MYZAP: variants seen among roughly 807,000 people sequenced by gnomAD.
The protein encoded by MYZAP is GRINL1A complex locus upstream.
In MYZAP, 66 loss-of-function variants were observed where a neutral mutation model predicts 69.4. That is an observed-to-expected ratio of 0.95 (90% confidence interval 0.78 to 1.17). The LOEUF (loss-of-function observed/expected upper bound fraction) is 1.17. Ranked by LOEUF, MYZAP falls within the 50% of genes most tolerant of loss-of-function variation. The pLI, the probability that MYZAP is intolerant of heterozygous loss-of-function variation, is 0.00. For missense variants in MYZAP, 611 were observed against 556.2 expected, an observed-to-expected ratio of 1.10 and a Z score of -0.99; for synonymous variants, 256 against 205.9, an observed-to-expected ratio of 1.24 and a Z score of -2.09.
intron 1 of MYZAP, among the ~76,000 whole-genome samples, chr15:57,592,908 G>T (rs1464865027): frequency 6.6e-6 from 1 of 152,066 alleles, no homozygotes. Flanking sequence ...TTATCATTTG[G>T]TACCTCTTTG....
rs150195842 is a variant in MYZAP, at chr15:57,668,432, C to A, written c.1204-6536C>A. Among the ~76,000 whole-genome samples the A allele has an allele frequency of 1.9e-3, 285 of 152,256 alleles. 3 individuals carry two copies. The highest frequency in any genetic ancestry group is 6.5e-3 in the African/African-American group (270 of 41,524). ...TGTACCAGTGTCTCCATATCCTAAC[C>A]CAGACCTAGTATTGCCAACCTTTTA... On this transcript the variant is annotated intron_variant, in intron 11 of 12. Transcript: ENST00000267853.
chr15:57,651,088 G>A (rs1311121692), intron 10 of MYZAP, among the ~76,000 whole-genome samples: 1 of 152,206 alleles, frequency 6.6e-6, no homozygotes, highest in Non-Finnish European at 1.5e-5. Context: ...AATAGGAGGG[G>A]AGAGGAGCAC....
At chr15:57,593,976 C>T (rs749391452) in intron 1 of MYZAP, among the ~76,000 whole-genome samples, 3 of 152,122 alleles carry the variant, frequency 2.0e-5, no homozygotes, top group African/African-American at 7.2e-5. Context: ...CATTGGGGTC[C>T]GCCCTACCTG....
chr15:57,684,526 A>T lies in MYZAP; in HGVS notation c.*28A>T, dbSNP rs1297052107. 1.4e-6 allele frequency: 2 copies of T among 1,438,880 alleles called. No homozygotes were observed. The highest frequency in any genetic ancestry group is 1.9e-6 in the Non-Finnish European group (2 of 1,030,748). 89.1% of individuals were successfully genotyped at this position (1,438,880 alleles called of 1,614,324 possible). A position where few individuals can be genotyped will look rare whatever the true frequency, so the allele number is the denominator to read the frequency against. On this transcript the variant is annotated 3_prime_UTR_variant, in exon 13 of 13. Coordinates refer to ENST00000267853, the MANE Select transcript of MYZAP (RefSeq NM_001018100.5). Reference sequence around the variant, plus strand: ...ACTCAGAGGCATACACTTTTTACAGATGGACAAAAGCTCTGGAACCCTGTG... The same window carrying T: ...ACTCAGAGGCATACACTTTTTACAGTTGGACAAAAGCTCTGGAACCCTGTG...
intron 8 of MYZAP, among the ~76,000 whole-genome samples, chr15:57,634,474 C>T (rs1265127176): frequency 1.3e-5 from 2 of 152,084 alleles, no homozygotes; most frequent in African/African-American, 2.4e-5. Context: ...CTGCCAAGAC[C>T]CTGACATTAT....
rs971681728 is a variant in MYZAP at position 57,684,718 on chromosome 15, G to A, written c.*220G>A. 6.9e-6 allele frequency: 3 copies of A among 437,758 alleles called. No homozygotes were observed. Among genetic ancestry groups the A allele is most frequent in the African/African-American group, 2.0e-5 (1 of 49,704 alleles). 27.1% of individuals were successfully genotyped at this position (437,758 alleles called of 1,614,324 possible). On this transcript the variant is annotated 3_prime_UTR_variant, in exon 13 of 13. Transcript: ENST00000267853. The stretch of plus-strand genomic sequence containing the variant: ...AGGTCACATTTCAGACACCCACTCG[G>A]CATACCCTGCCGTACTGCATCATCA...
At position 57,684,562 on chromosome 15, in the gene MYZAP, C is replaced by T. The variant is rs2140689593; in HGVS notation, c.*64C>T. On this transcript the variant is annotated 3_prime_UTR_variant, in exon 13 of 13. Transcript: ENST00000267853. ...CTCTGGAACCCTGTGGCTTCAAATC[C>T]TTTGGGAAGGGTGACTGTTGTTTCC... 1.9e-6 allele frequency: 2 copies of T among 1,060,000 alleles called. No individual in the cohort carries two copies. Among genetic ancestry groups the T allele is most frequent in the Non-Finnish European group, 2.9e-6 (2 of 699,652 alleles). 65.7% of individuals were successfully genotyped at this position (1,060,000 alleles called of 1,614,324 possible).
intron 10 of MYZAP, among the ~76,000 whole-genome samples, chr15:57,641,254 T>C (rs2037138460): frequency 2.0e-5 from 3 of 152,158 alleles, no homozygotes; most frequent in Non-Finnish European, 2.9e-5. Flanking sequence ...ATCAGAGACA[T>C]TGTTTTTTTA....
At chr15:57,680,209 C>T (rs2039361460) in intron 12 of MYZAP, among the ~76,000 whole-genome samples, 1 of 152,116 alleles carries the variant, frequency 6.6e-6, no homozygotes, top group Non-Finnish European at 1.5e-5. Flanking sequence ...ACTTCTGAGT[C>T]AGAGAATTAT....
chr15:57,629,613 T>G lies in MYZAP; in HGVS notation c.526-89T>G, dbSNP rs531645670. ...AGCCTAGGACAGCTACCCCAGTGCTTAATGATAAGGGGATGCCCCAGCATG... is the reference window on the plus strand; with the variant it reads ...AGCCTAGGACAGCTACCCCAGTGCTGAATGATAAGGGGATGCCCCAGCATG... On this transcript the variant is annotated intron_variant, in intron 5 of 12. Transcript: ENST00000267853. The G allele has an allele frequency of 2.0e-4, 307 of 1,515,364 alleles. 2 individuals carry two copies. In the South Asian group the frequency reaches 3.9e-3, roughly 19 times the overall value. 93.9% of individuals were successfully genotyped at this position (1,515,364 alleles called of 1,614,324 possible). A position where few individuals can be genotyped will look rare whatever the true frequency, so the allele number is the denominator to read the frequency against.
chr15:57,613,475 A>G (rs1016061752), intron 2 of MYZAP, among the ~76,000 whole-genome samples: 18 of 152,030 alleles, frequency 1.2e-4, no homozygotes, highest in Admixed American at 2.6e-4. Flanking sequence ...GGCTCAAGCA[A>G]TCTTCCCACC....
At chr15:57,632,928 C>T (rs1039425248) in intron 7 of MYZAP, among the ~76,000 whole-genome samples, 2 of 152,216 alleles carry the variant, frequency 1.3e-5, no homozygotes, top group African/African-American at 2.4e-5. Context: ...CTTGCCTAAG[C>T]TCCCTAAAAG....
intron 10 of MYZAP, chr15:57,648,590 T>C: frequency 2.2e-6 from 1 of 453,422 alleles, no homozygotes; most frequent in Non-Finnish European, 2.9e-6. Flanking sequence ...GCTGGCAGTC[T>C]CTCAGCAAAT....
rs565277378 is a variant in MYZAP, at chr15:57,611,444, C to T, written c.163-6589C>T. On this transcript the variant is annotated intron_variant, in intron 2 of 12. Transcript: ENST00000267853. ...AGCAGTTCCTGATTTTTTTTTCTCC[C>T]GTGTATTCTTCCCTTTTCCGCGGGG... Among the ~76,000 whole-genome samples the T allele has an allele frequency of 3.3e-5, 5 of 152,018 alleles. No individual in the cohort carries two copies. In the South Asian group the frequency reaches 6.2e-4, roughly 19 times the overall value.
At chr15:57,594,474 A>G (rs1252030869) in intron 1 of MYZAP, among the ~76,000 whole-genome samples, 3 of 152,182 alleles carry the variant, frequency 2.0e-5, no homozygotes, top group African/African-American at 4.8e-5. Flanking sequence ...GGGAATTGAC[A>G]TTATTGGGAT....
intron 8 of MYZAP, among the ~76,000 whole-genome samples, chr15:57,636,002 G>A (rs1379250683): frequency 6.6e-6 from 1 of 152,190 alleles, no homozygotes; most frequent in African/African-American, 2.4e-5. Context: ...GGTTTCACAG[G>A]TGTTTACAAA....
intron 1 of MYZAP, among the ~76,000 whole-genome samples, chr15:57,600,152 C>T (rs1311169435): frequency 6.6e-6 from 1 of 152,156 alleles, no homozygotes; most frequent in African/African-American, 2.4e-5. Context: ...TCTTTCTTCC[C>T]CATGGCCATA....
In MYZAP at chr15:57,647,293, A is replaced by G. The variant is rs946067178; in HGVS notation, c.1119+7748A>G. On this transcript the variant is annotated intron_variant, in intron 10 of 12. Coordinates refer to ENST00000267853, the MANE Select transcript of MYZAP (RefSeq NM_001018100.5). Reference sequence around the variant, plus strand: ...CCTGTGCACGGTGCTGTGTTTAGACACAGATCCCCAGATACGATGCTGGGT... The same window carrying G: ...CCTGTGCACGGTGCTGTGTTTAGACGCAGATCCCCAGATACGATGCTGGGT... The G allele has an allele frequency of 1.4e-5, 14 of 985,320 alleles. No individual in the cohort carries two copies. The African/African-American group carries it at 1.9e-4, about 14-fold the overall frequency. 61.0% of individuals were successfully genotyped at this position (985,320 alleles called of 1,614,324 possible). A position where few individuals can be genotyped will look rare whatever the true frequency, so the allele number is the denominator to read the frequency against.
chr15:57,639,421 T>C lies in MYZAP; in HGVS notation c.1014-19T>C. On this transcript the variant is annotated intron_variant, in intron 9 of 12. Transcript: ENST00000267853. The stretch of plus-strand genomic sequence containing the variant: ...CTTTGGTTTAGGACTCATTTGCTTT[T>C]TTCTCCTATTTGTGTTAGGTATCAG... 1 of 1,613,576 alleles carries C rather than the reference T, an allele frequency of 6.2e-7. No individual in the cohort carries two copies. Among genetic ancestry groups the C allele is most frequent in the Non-Finnish European group, 8.5e-7 (1 of 1,179,754 alleles).
Sources: gnomAD v4.1 joint callset for allele counts (sites outside exome capture counted in the v4.1 genomes callset) on GRCh38, gnomAD v4.1.1 for gene constraint, MANE v1.5 for transcripts, NCBI Gene and HGNC (gene_info 2026-07-23, HGNC 2026-07-21) for gene names.